SLIT3: variants seen among roughly 807,000 people sequenced by gnomAD.
The protein encoded by SLIT3 is slit guidance ligand 3.
In SLIT3, 68 loss-of-function variants were observed where a neutral mutation model predicts 184.0. That is an observed-to-expected ratio of 0.37 (90% CI 0.30 to 0.45). The LOEUF is 0.45. SLIT3 is among the 20% of genes least tolerant of loss of function. The pLI, the probability that SLIT3 is intolerant of heterozygous loss-of-function variation, is 1.00. For synonymous variants in SLIT3, 831 were observed against 828.6 expected, an observed-to-expected ratio of 1.00 and a Z score of -0.05; for missense variants, 1,707 against 2,026.0, an observed-to-expected ratio of 0.84 and a Z score of 3.02.
intron 4 of SLIT3, among the ~76,000 whole-genome samples, chr5:168,908,744 C>T (rs892913330): frequency 3.9e-5 from 6 of 152,182 alleles, no homozygotes; most frequent in East Asian, 3.9e-4. Flanking sequence ...TGAAATCATA[C>T]GAAAAGTAGG....
rs1423254449 is a variant in SLIT3 at position 168,755,411 on chromosome 5, T to C, written c.1686-1404A>G. On this transcript the variant is annotated intron_variant, in intron 16 of 35. Coordinates refer to ENST00000519560, the MANE Select transcript of SLIT3 (RefSeq NM_003062.4). ...GCCATTTCTTTCTTTCTTTCTTTCT[T>C]TCTTTCTTTCTTTCTTTCTTTCTTT... Among the ~76,000 whole-genome samples the C allele has an allele frequency of 1.3e-3, 32 of 25,558 alleles. No individual in the cohort carries two copies. The East Asian group carries it at 0.023, about 19-fold the overall frequency. 16.8% of individuals were successfully genotyped at this position (25,558 alleles called of 152,430 possible). A position where few individuals can be genotyped will look rare whatever the true frequency, so the allele number is the denominator to read the frequency against.
chr5:169,041,935 G>T (rs1448669993), intron 4 of SLIT3, among the ~76,000 whole-genome samples: 4 of 152,122 alleles, frequency 2.6e-5, no homozygotes, highest in African/African-American at 9.7e-5. Context: ...TCCTGGAAAT[G>T]AATAGGAAAA....
chr5:169,223,144 C>A (rs1318372173), intron 3 of SLIT3, among the ~76,000 whole-genome samples: 1 of 152,114 alleles, frequency 6.6e-6, no homozygotes, highest in African/African-American at 2.4e-5. Flanking sequence ...AGAGAATTCC[C>A]AGGGAAGCTC....
rs183688978 is a variant in SLIT3, at chr5:169,086,308, T to C, written c.413+107171A>G. Among the ~76,000 whole-genome samples the C allele has an allele frequency of 2.2e-3, 333 of 152,368 alleles. 1 individual carries two copies. Among genetic ancestry groups the C allele is most frequent in the Non-Finnish European group, 4.0e-3 (271 of 68,038 alleles). ...ATTGTAAGTTCTGAAAGTGTGTTGG[T>C]GAATCCATTGTTTGGATCTCAGAAT... On this transcript the variant is annotated intron_variant, in intron 4 of 35. Transcript: ENST00000519560.
At chr5:169,213,041 A>G (rs1459395631) in intron 3 of SLIT3, among the ~76,000 whole-genome samples, 1 of 151,932 alleles carries the variant, frequency 6.6e-6, no homozygotes, top group East Asian at 1.9e-4. Flanking sequence ...TTTGCAGATG[A>G]CATGATTGTA....
At chr5:169,087,998 A>T (rs1164206439) in intron 4 of SLIT3, among the ~76,000 whole-genome samples, 1 of 152,112 alleles carries the variant, frequency 6.6e-6, no homozygotes, top group Non-Finnish European at 1.5e-5. Context: ...TCTCTGGGCC[A>T]CCTATAGGCC....
chr5:168,733,365 C>T (rs776387938), intron 20 of SLIT3, among the ~76,000 whole-genome samples: 14 of 152,200 alleles, frequency 9.2e-5, no homozygotes, highest in Admixed American at 2.0e-4. Flanking sequence ...ACAACCTTTA[C>T]GGAAAACAGT....
chr5:168,882,164 A>G (rs1561984710), intron 5 of SLIT3, among the ~76,000 whole-genome samples: 1 of 152,212 alleles, frequency 6.6e-6, no homozygotes, highest in Admixed American at 6.5e-5. Flanking sequence ...GGGAAAAGTG[A>G]CAATGTCTTT....
At chr5:169,136,169 C>T (rs944188548) in intron 4 of SLIT3, among the ~76,000 whole-genome samples, 3 of 152,266 alleles carry the variant, frequency 2.0e-5, no homozygotes, top group East Asian at 3.9e-4. Context: ...GGGGGACAAT[C>T]GCCTCTCCAG....
intron 5 of SLIT3, among the ~76,000 whole-genome samples, chr5:168,870,585 C>A (rs1281208583): frequency 6.6e-6 from 1 of 152,184 alleles, no homozygotes; most frequent in African/African-American, 2.4e-5. Flanking sequence ...CTTGACCCTG[C>A]CACGGAATTT....
intron 29 of SLIT3, among the ~76,000 whole-genome samples, chr5:168,692,082 C>T (rs2113251247): frequency 6.6e-6 from 1 of 152,348 alleles, no homozygotes; most frequent in South Asian, 2.1e-4. Flanking sequence ...GGAGACAGCT[C>T]CGCCAATGGC....
chr5:168,802,273 CTGACCTCTCACATG>C (rs148847981), intron 9 of SLIT3, among the ~76,000 whole-genome samples: 19,590 of 152,072 alleles, frequency 0.13, 1,678 homozygotes, highest in East Asian at 0.29. Context: ...CACCCATCTG[CTGACCTCTCACATG>C]GTAGAAGACT....
chr5:169,264,801 AT>A (rs1561775834), intron 1 of SLIT3, among the ~76,000 whole-genome samples: 1 of 152,202 alleles, frequency 6.6e-6, no homozygotes, highest in African/African-American at 2.4e-5. Flanking sequence ...ACATAACCAC[AT>A]GCAAGTTTAA....
intron 6 of SLIT3, among the ~76,000 whole-genome samples, chr5:168,842,808 G>A (rs989588766): frequency 6.6e-6 from 1 of 152,172 alleles, no homozygotes; most frequent in Non-Finnish European, 1.5e-5. Context: ...CAGCTGTTTC[G>A]TGGCAGCTGG....
At chr5:169,132,733 G>A (rs990374889) in intron 4 of SLIT3, among the ~76,000 whole-genome samples, 1 of 152,174 alleles carries the variant, frequency 6.6e-6, no homozygotes, top group Non-Finnish European at 1.5e-5. Flanking sequence ...CTAACCCCAA[G>A]TATACAAGGA....
chr5:169,149,563 G>A (rs1762044970), intron 4 of SLIT3, among the ~76,000 whole-genome samples: 1 of 152,158 alleles, frequency 6.6e-6, no homozygotes. Context: ...GAAACTGGGA[G>A]GGGAAAAGGG....
chr5:169,293,624 G>T (rs1041257025), intron 1 of SLIT3, among the ~76,000 whole-genome samples: 4 of 152,160 alleles, frequency 2.6e-5, no homozygotes, highest in Non-Finnish European at 5.9e-5. Context: ...TTCCCATTTT[G>T]CAAATGGGAA....
chr5:168,955,890 C>A (rs990975490), intron 4 of SLIT3, among the ~76,000 whole-genome samples: 1 of 152,166 alleles, frequency 6.6e-6, no homozygotes, highest in Non-Finnish European at 1.5e-5. Flanking sequence ...CCATTAGGAG[C>A]TACGACTTCA....
At chr5:169,108,559 G>A (rs1760299897) in intron 4 of SLIT3, among the ~76,000 whole-genome samples, 1 of 152,200 alleles carries the variant, frequency 6.6e-6, no homozygotes, top group Admixed American at 6.5e-5. Flanking sequence ...GGCAGCTTTG[G>A]CAGCTAGAGA....
Sources: gnomAD v4.1 joint callset for allele counts (sites outside exome capture counted in the v4.1 genomes callset) on GRCh38, gnomAD v4.1.1 for gene constraint, MANE v1.5 for transcripts, NCBI Gene and HGNC (gene_info 2026-07-23, HGNC 2026-07-21) for gene names.